Variants in ELMO1 observed in about 807,000 individuals in gnomAD.
ELMO1 encodes the protein engulfment and cell motility protein 1.
ELMO1 carries 26 observed loss-of-function variants against 98.9 expected under a neutral mutation model. The observed-to-expected ratio is 0.26, with a 90% CI of 0.19 to 0.36. The LOEUF (loss-of-function observed/expected upper bound fraction) is 0.36. Among genes scored for constraint, ELMO1 ranks in the 10% least tolerant of loss-of-function variants. The pLI, the probability that ELMO1 is intolerant of heterozygous loss-of-function variation, is 1.00. For synonymous variants in ELMO1, 346 were observed against 346.0 expected (o/e 1.00, Z 0.00); for missense variants, 627 against 935.2 (o/e 0.67, Z 4.30).
chr7:37,171,180 T>C (rs1296932071), intron 13 of ELMO1, among the ~76,000 whole-genome samples: 2 of 152,112 alleles, frequency 1.3e-5, no homozygotes, highest in Non-Finnish European at 2.9e-5. Context: ...TAAATGCCTA[T>C]ATATCGTTAA....
In ELMO1 at chr7:36,971,695, G is replaced by A. The variant is rs574401936; in HGVS notation, c.1437+41604C>T. On this transcript the variant is annotated intron_variant, in intron 16 of 21. Transcript: ENST00000310758. Reference sequence around the variant, plus strand: ...GCTGTGCTTGGCCTCTGTGACTAGCGGTATTTGTCCAGAGGCTAATTAGCT... The same window carrying A: ...GCTGTGCTTGGCCTCTGTGACTAGCAGTATTTGTCCAGAGGCTAATTAGCT... Among the ~76,000 whole-genome samples the A allele has an allele frequency of 9.2e-5, 14 of 152,242 alleles. No homozygotes were observed. In the South Asian group the frequency reaches 1.2e-3, roughly 14 times the overall value.
chr7:37,050,657 C>CAAAA (rs1460367498), intron 15 of ELMO1, among the ~76,000 whole-genome samples: 35 of 144,902 alleles, frequency 2.4e-4, no homozygotes, highest in African/African-American at 5.1e-4. Flanking sequence ...CACACACACA[C>CAAAA]ACAAAAGGTA....
At chr7:37,048,862 CCTGTATTTG>C (rs1253099144) in intron 15 of ELMO1, among the ~76,000 whole-genome samples, 1 of 152,070 alleles carries the variant, frequency 6.6e-6, no homozygotes, top group Non-Finnish European at 1.5e-5. Context: ...CTCAGAATAT[CCTGTATTTG>C]CTGAAAGGGG....
intron 2 of ELMO1, among the ~76,000 whole-genome samples, chr7:37,324,998 T>C (rs902549960): frequency 7.2e-5 from 11 of 152,220 alleles, no homozygotes; most frequent in Admixed American, 6.5e-4. Flanking sequence ...ATTGAGATAA[T>C]GGTGTAAAAT....
At chr7:37,329,491 G>T (rs1799988878) in intron 2 of ELMO1, among the ~76,000 whole-genome samples, 1 of 152,162 alleles carries the variant, frequency 6.6e-6, no homozygotes, top group African/African-American at 2.4e-5. Flanking sequence ...TTAGACAGGG[G>T]AGCAGCATAA....
chr7:37,171,138 AT>A (rs1790125081), intron 13 of ELMO1, among the ~76,000 whole-genome samples: 1 of 152,206 alleles, frequency 6.6e-6, no homozygotes, highest in East Asian at 1.9e-4. Context: ...TTTTTCTTGT[AT>A]TTTTTATATG....
At chr7:37,353,727 T>C (rs1007772467) in intron 1 of ELMO1, 1 of 152,220 alleles carries the variant, frequency 6.6e-6, no homozygotes, top group Admixed American at 6.5e-5. Context: ...AGAGAGCTGA[T>C]TGGGCCGTTT....
intron 18 of ELMO1, 77 bp downstream of exon 18, chr7:36,887,483 A>G: frequency 7.3e-7 from 1 of 1,376,224 alleles, no homozygotes; most frequent in Non-Finnish European, 1.0e-6. Context: ...GTAAACCAAC[A>G]CCATGCCCTT....
chr7:37,214,176 A>C (rs1384379593), intron 11 of ELMO1, among the ~76,000 whole-genome samples: 2 of 152,192 alleles, frequency 1.3e-5, no homozygotes, highest in Admixed American at 1.3e-4. Flanking sequence ...GACAGCTGCC[A>C]CCAACTCAAC....
At chr7:37,408,434 T>C (rs1290772061) in intron 1 of ELMO1, among the ~76,000 whole-genome samples, 1 of 152,008 alleles carries the variant, frequency 6.6e-6, no homozygotes, top group Non-Finnish European at 1.5e-5. Flanking sequence ...GTGGAAAAAA[T>C]AACCGCAGAG....
At chr7:37,117,942 A>G (rs1785712938) in intron 14 of ELMO1, among the ~76,000 whole-genome samples, 1 of 152,158 alleles carries the variant, frequency 6.6e-6, no homozygotes, top group African/African-American at 2.4e-5. Flanking sequence ...GCAACATATA[A>G]TTTTATTTTT....
intron 20 of ELMO1, among the ~76,000 whole-genome samples, chr7:36,864,451 G>A (rs180841700): frequency 1.3e-5 from 2 of 152,302 alleles, no homozygotes; most frequent in Non-Finnish European, 2.9e-5. Context: ...CTGGGAGGGG[G>A]TGGGAGGAAT....
At chr7:37,211,578 A>G in intron 12 of ELMO1, 61 bp from the exon 13 acceptor site, 2 of 1,585,710 alleles carry the variant, frequency 1.3e-6, no homozygotes, top group Non-Finnish European at 1.7e-6. Context: ...ATTGTGTGAC[A>G]TTACATATAC....
At chr7:37,445,298 C>G (rs367768691) in intron 1 of ELMO1, among the ~76,000 whole-genome samples, 5 of 152,210 alleles carry the variant, frequency 3.3e-5, no homozygotes, top group African/African-American at 1.2e-4. Context: ...TAATCCACCA[C>G]GTTTTCCAGA....
At chr7:37,250,791 CAAAAAAAAAAA>C (rs574487076) in intron 6 of ELMO1, among the ~76,000 whole-genome samples, 3 of 64,836 alleles carry the variant, frequency 4.6e-5, no homozygotes, top group Non-Finnish European at 9.9e-5. Flanking sequence ...GACTCCGTCT[CAAAAAAAAAAA>C]AAAAAAAAAC....
intron 19 of ELMO1, among the ~76,000 whole-genome samples, chr7:36,874,754 G>C (rs1473683183): frequency 6.6e-6 from 1 of 152,200 alleles, no homozygotes; most frequent in African/African-American, 2.4e-5. Flanking sequence ...CCAGGGCATG[G>C]CTGGAAAGCA....
At chr7:36,939,793 T>A (rs1245503324) in intron 16 of ELMO1, among the ~76,000 whole-genome samples, 2 of 152,238 alleles carry the variant, frequency 1.3e-5, no homozygotes, top group African/African-American at 4.8e-5. Context: ...CTCAGGGATC[T>A]GGGAGGCAGA....
chr7:37,399,053 G>A (rs564437539), intron 1 of ELMO1, among the ~76,000 whole-genome samples: 1 of 152,226 alleles, frequency 6.6e-6, no homozygotes, highest in South Asian at 2.1e-4. Flanking sequence ...TGGGTGAACG[G>A]CGATCCTCAC....
intron 1 of ELMO1, among the ~76,000 whole-genome samples, chr7:37,352,125 G>C (rs962806309): frequency 6.6e-5 from 10 of 152,084 alleles, no homozygotes; most frequent in Admixed American, 1.3e-4. Context: ...TATGAATAAG[G>C]TACCATTACT....
Sources: gnomAD v4.1 joint callset for allele counts (sites outside exome capture counted in the v4.1 genomes callset) on GRCh38, gnomAD v4.1.1 for gene constraint, MANE v1.5 for transcripts, NCBI Gene and HGNC (gene_info 2026-07-23, HGNC 2026-07-21) for gene names.